ZSCAN22: variants seen among roughly 807,000 people sequenced by gnomAD.
ZSCAN22 encodes zinc finger and SCAN domain containing 22.
A neutral mutation model predicts 12.4 loss-of-function variants in ZSCAN22; 7 were observed. The observed-to-expected ratio is 0.57, with a 90% CI of 0.32 to 1.06. ZSCAN22 has a LOEUF of 1.06. ZSCAN22 is among the 50% of genes least tolerant of loss of function. The probability of loss-of-function intolerance (pLI) is 0.04; values close to 1 mark genes in which losing one functional copy is unlikely to be tolerated. For synonymous variants in ZSCAN22, 243 were observed against 255.9 expected (o/e 0.95, Z 0.48); for missense variants, 576 against 631.7 (o/e 0.91, Z 0.94).
chr19:58,327,172 C>T (rs1197898794), intron 1 of ZSCAN22, 58 bp downstream of exon 1: 3 of 152,636 alleles, frequency 2.0e-5, no homozygotes, highest in Non-Finnish European at 4.4e-5. Flanking sequence ...ACAGCAGGTC[C>T]AGAAGCCGCG....
rs2051789188 is a variant in ZSCAN22 at position 58,335,725 on chromosome 19, A to G, written c.403+520A>G. On this transcript the variant is annotated intron_variant, in intron 2 of 2. Coordinates refer to ENST00000329665, the MANE Select transcript of ZSCAN22 (RefSeq NM_181846.3). The surrounding 1 kb of genome is among the most constrained non-coding windows in gnomAD (Gnocchi z 4.1). The stretch of plus-strand genomic sequence containing the variant: ...GAGCAACTGGCTGTTTCTCAGAGGA[A>G]ACCAGACGAGGGCCTGGGTGCCTGG... Among the ~76,000 whole-genome samples, 1 of 152,198 alleles carries G rather than the reference A, an allele frequency of 6.6e-6. No individual in the cohort carries two copies. Among genetic ancestry groups the G allele is most frequent in the South Asian group, 2.1e-4 (1 of 4,828 alleles).
At chr19:58,330,558 A>G (rs1305001852) in intron 1 of ZSCAN22, among the ~76,000 whole-genome samples, 4 of 152,224 alleles carry the variant, frequency 2.6e-5, no homozygotes, top group Admixed American at 6.5e-5. Context: ...AAAGGCTTTG[A>G]GTGTGGAGGA....
Position 58,338,919 on chromosome 19 carries a change from T to C in ZSCAN22, c.1069T>C (p.Cys357Arg). The change falls in exon 3 of 3, where the codon TGT (cysteine) becomes CGT (arginine). Residue 357 changes from cysteine (C) to arginine (R), a missense_variant. Physicochemically the swap from Cys to Arg is radical, Grantham distance 180 (BLOSUM62 -3). Coordinates refer to ENST00000329665, the MANE Select transcript of ZSCAN22 (RefSeq NM_181846.3). This position sits in a 1 kb window ranked among gnomAD's most constrained non-coding sequence, Gnocchi z 5.4. ...AGAGAAACCCTACAAATGTGGGGAA[T>C]GTGGTAAAACCTTCAGCCGCAGCAC... ...TGEKPYKCGE[C>R]GKTFSRSTHL... is the part of the protein sequence containing the mutation. 2 of 1,614,040 alleles carry C rather than the reference T, an allele frequency of 1.2e-6. No individual in the cohort carries two copies. The highest frequency in any genetic ancestry group is 1.7e-6 in the Non-Finnish European group (2 of 1,180,004).
chr19:58,335,293 G>T lies in ZSCAN22; in HGVS notation c.403+88G>T. ...GAGCACAGGGCTCTGGTTTGGGGTTGCTCATGCACCCATTCTCACATTTGT... is the reference window on the plus strand; with the variant it reads ...GAGCACAGGGCTCTGGTTTGGGGTTTCTCATGCACCCATTCTCACATTTGT... On this transcript the variant is annotated intron_variant, in intron 2 of 2. Transcript: ENST00000329665. This position sits in a 1 kb window ranked among gnomAD's most constrained non-coding sequence, Gnocchi z 4.1. The T allele has an allele frequency of 7.1e-7, 1 of 1,408,196 alleles. No homozygotes were observed. The highest frequency in any genetic ancestry group is 9.4e-7 in the Non-Finnish European group (1 of 1,064,050). 87.2% of individuals were successfully genotyped at this position (1,408,196 alleles called of 1,614,324 possible).
At position 58,338,806 on chromosome 19, in the gene ZSCAN22, CAG is replaced by C; in HGVS notation, c.957_958del (p.Ala321GlufsTer4). The C allele has an allele frequency of 6.2e-7, 1 of 1,614,052 alleles. No individual in the cohort carries two copies. The highest frequency in any genetic ancestry group is 1.3e-5 in the African/African-American group (1 of 75,054). On this transcript the variant is annotated frameshift_variant, in exon 3 of 3. Transcript: ENST00000329665. LOFTEE classifies it low-confidence loss of function (END_TRUNC). The surrounding 1 kb of genome is among the most constrained non-coding windows in gnomAD (Gnocchi z 5.4). ...CTCGCCCAGCACCAGGTTGTCCACACAGGGGCGAAGCCCCATGAGTGTAAGGA... is the reference window on the plus strand; with the variant it reads ...CTCGCCCAGCACCAGGTTGTCCACACGGGCGAAGCCCCATGAGTGTAAGGA...
chr19:58,336,557 G>T (rs1452408215), intron 2 of ZSCAN22, among the ~76,000 whole-genome samples: 3 of 152,130 alleles, frequency 2.0e-5, no homozygotes, highest in Non-Finnish European at 4.4e-5. Context: ...GCAGATGGCT[G>T]GGGGAGCAGG....
chr19:58,330,163 G>T (rs1321522584), intron 1 of ZSCAN22, among the ~76,000 whole-genome samples: 1 of 152,156 alleles, frequency 6.6e-6, no homozygotes, highest in African/African-American at 2.4e-5. Flanking sequence ...GGTGGTGGGT[G>T]CCTGTAGTCC....
chr19:58,336,694 G>A (rs2051801686), intron 2 of ZSCAN22, among the ~76,000 whole-genome samples: 1 of 152,170 alleles, frequency 6.6e-6, no homozygotes, highest in African/African-American at 2.4e-5. Context: ...TTCCCCATCT[G>A]CAACAGAATC....
intron 2 of ZSCAN22, among the ~76,000 whole-genome samples, chr19:58,336,595 A>C (rs75075207): frequency 0.012 from 1,866 of 152,168 alleles, 16 homozygotes; most frequent in South Asian, 0.027. Flanking sequence ...CTGGAGGAGA[A>C]CATTCTGGAG....
At position 58,338,849 on chromosome 19, in the gene ZSCAN22, C is replaced by T. The variant is rs556783304; in HGVS notation, c.999C>T (p.Phe333=). 2.5e-6 allele frequency: 4 copies of T among 1,614,090 alleles called. No individual in the cohort carries two copies. In the African/African-American group the frequency reaches 4.0e-5, roughly 16 times the overall value. The change falls in exon 3 of 3, where the codon TTC becomes TTT. Residue 333 remains phenylalanine, a synonymous_variant. Transcript: ENST00000329665. This position sits in a 1 kb window ranked among gnomAD's most constrained non-coding sequence, Gnocchi z 5.4. The part of the protein sequence containing the change: ...PHECKECGKA[F]SRVTHLTQHQ... ...AGTGTAAGGAATGTGGGAAGGCCTT[C>T]AGCCGAGTCACCCACCTGACTCAGC...
Position 58,339,468 on chromosome 19 carries a change from G to T in ZSCAN22, c.*142G>T. The T allele has an allele frequency of 1.3e-6, 1 of 780,192 alleles. No individual in the cohort carries two copies. The highest frequency in any genetic ancestry group is 2.0e-6 in the Non-Finnish European group (1 of 501,824). 48.3% of individuals were successfully genotyped at this position (780,192 alleles called of 1,614,324 possible). A position where few individuals can be genotyped will look rare whatever the true frequency, so the allele number is the denominator to read the frequency against. The stretch of plus-strand genomic sequence containing the variant: ...TGATAGGTGCCTGAGGGCAGACTCG[G>T]GCTGTCTAGGAACCACTCTGCATTT... On this transcript the variant is annotated 3_prime_UTR_variant, in exon 3 of 3. Transcript: ENST00000329665. The surrounding 1 kb of genome is among the most constrained non-coding windows in gnomAD (Gnocchi z 5.6).
At position 58,340,738 on chromosome 19, in the gene ZSCAN22, C is replaced by A. The variant is rs369316910; in HGVS notation, c.*1412C>A. On this transcript the variant is annotated 3_prime_UTR_variant, in exon 3 of 3. Coordinates refer to ENST00000329665, the MANE Select transcript of ZSCAN22 (RefSeq NM_181846.3). Reference sequence around the variant, plus strand: ...TGACCTCGTGATCCACCCGCCTCGGCCTCCCAAAGTGCTGGGATTACAGGC... The same window carrying A: ...TGACCTCGTGATCCACCCGCCTCGGACTCCCAAAGTGCTGGGATTACAGGC... 7 of 151,888 alleles carry A rather than the reference C, an allele frequency of 4.6e-5. No individual in the cohort carries two copies. The East Asian group carries it at 1.4e-3, about 30-fold the overall frequency. 9.4% of individuals were successfully genotyped at this position (151,888 alleles called of 1,614,324 possible).
intron 1 of ZSCAN22, among the ~76,000 whole-genome samples, chr19:58,331,017 A>C (rs1421714999): frequency 1.3e-5 from 2 of 152,182 alleles, no homozygotes; most frequent in Non-Finnish European, 2.9e-5. Flanking sequence ...ACCTAAACAA[A>C]AACCCCTGCC....
rs1162443338 is a variant in ZSCAN22, at chr19:58,334,843, A to T, written c.41A>T (p.Glu14Val). 1 of 1,613,218 alleles carries T rather than the reference A, an allele frequency of 6.2e-7. No homozygotes were observed. The highest frequency in any genetic ancestry group is 8.5e-7 in the Non-Finnish European group (1 of 1,179,786). ...CACTCCCTGAGCCCAGTGCCGTGGGAAGAGGACAGCTTCCTTCAAGTGAAG... is the reference window on the plus strand; with the variant it reads ...CACTCCCTGAGCCCAGTGCCGTGGGTAGAGGACAGCTTCCTTCAAGTGAAG... ...PKHSLSPVPWEEDSFLQVKVE... is the reference protein window; with the variant it reads ...PKHSLSPVPWVEDSFLQVKVE... Residue 14 changes from glutamate to valine, a missense_variant, in exon 2 of 3, where the codon GAA becomes GTA. Transcript: ENST00000329665.
chr19:58,327,580 T>A (rs2051669409), intron 1 of ZSCAN22, among the ~76,000 whole-genome samples: 2 of 152,160 alleles, frequency 1.3e-5, no homozygotes, highest in Admixed American at 1.3e-4. Flanking sequence ...GATAGGCGGT[T>A]CTGTGTCTGA....
At position 58,335,417 on chromosome 19, in the gene ZSCAN22, A is replaced by AG. The variant is rs1169193573; in HGVS notation, c.403+214dup. On this transcript the variant is annotated intron_variant, in intron 2 of 2. Coordinates refer to ENST00000329665, the MANE Select transcript of ZSCAN22 (RefSeq NM_181846.3). The surrounding 1 kb of genome is among the most constrained non-coding windows in gnomAD (Gnocchi z 4.1). ...TGGGCTGAAGCAAAGAAGGGTAAGG[A>AG]GGCAGCAGATACGGCTATATCCAGA... Among the ~76,000 whole-genome samples, 4 of 152,190 alleles carry AG rather than the reference A, an allele frequency of 2.6e-5. No homozygotes were observed. Among genetic ancestry groups the AG allele is most frequent in the Non-Finnish European group, 5.9e-5 (4 of 68,012 alleles).
intron 1 of ZSCAN22, among the ~76,000 whole-genome samples, chr19:58,331,084 C>T (rs55827758): frequency 0.093 from 14,221 of 152,138 alleles, 1,028 homozygotes; most frequent in African/African-American, 0.18. Flanking sequence ...TAACCACATA[C>T]GTGTATCACA....
intron 1 of ZSCAN22, among the ~76,000 whole-genome samples, chr19:58,331,213 C>T (rs2051719223): frequency 6.8e-6 from 1 of 146,444 alleles, no homozygotes; most frequent in African/African-American, 2.6e-5. Flanking sequence ...TTATCAAATG[C>T]ACTTTTTTTT....
In ZSCAN22 at chr19:58,335,313, A is replaced by G; in HGVS notation, c.403+108A>G. ...GGGTTGCTCATGCACCCATTCTCAC[A>G]TTTGTACTTTACCGTAACTCTCACA... On this transcript the variant is annotated intron_variant, in intron 2 of 2. Coordinates refer to ENST00000329665, the MANE Select transcript of ZSCAN22 (RefSeq NM_181846.3). This position sits in a 1 kb window ranked among gnomAD's most constrained non-coding sequence, Gnocchi z 4.1. The G allele has an allele frequency of 7.4e-7, 1 of 1,350,984 alleles. No individual in the cohort carries two copies. The highest frequency in any genetic ancestry group is 1.5e-5 in the South Asian group (1 of 65,170). The allele number at this position is 1,350,984 out of a possible 1,614,324, so 83.7% of individuals were successfully genotyped here. A position where few individuals can be genotyped will look rare whatever the true frequency, so the allele number is the denominator to read the frequency against.
Sources: allele counts gnomAD v4.1 joint callset (sites outside exome capture counted in the v4.1 genomes callset), GRCh38; gene constraint gnomAD v4.1.1; non-coding constraint Gnocchi (gnomAD v3.1); transcripts MANE v1.5; gene names NCBI Gene and HGNC (gene_info 2026-07-23, HGNC 2026-07-21).